Variants in BRINP3 observed in about 807,000 individuals in gnomAD.
The protein encoded by BRINP3 is BMP/retinoic acid inducible neural specific 3, also known as BMP/retinoic acid-inducible neural-specific protein 3.
Under a neutral mutation model 71.0 loss-of-function variants are expected in BRINP3, and 19 were observed. That is an observed-to-expected ratio of 0.27 (90% CI 0.19 to 0.39). The LOEUF is 0.39. Among genes scored for constraint, BRINP3 ranks in the 10% least tolerant of loss-of-function variants. The probability of loss-of-function intolerance (pLI) is 1.00; values close to 1 mark genes in which losing one functional copy is unlikely to be tolerated. For synonymous variants in BRINP3, 380 were observed against 337.7 expected (o/e 1.13, Z -1.37); for missense variants, 959 against 940.8 (o/e 1.02, Z -0.25).
chr1:190,126,116 T>G (rs1414392665), intron 7 of BRINP3, among the ~76,000 whole-genome samples: 4 of 152,026 alleles, frequency 2.6e-5, no homozygotes, highest in Non-Finnish European at 5.9e-5. Flanking sequence ...AATTTAGATG[T>G]TTCCATTCAT....
At chr1:190,384,608 A>T (rs1231329619) in intron 2 of BRINP3, among the ~76,000 whole-genome samples, 1 of 151,840 alleles carries the variant, frequency 6.6e-6, no homozygotes, top group Non-Finnish European at 1.5e-5. Flanking sequence ...GCCAAGCACT[A>T]CTCCAAGTCT....
intron 2 of BRINP3, among the ~76,000 whole-genome samples, chr1:190,430,587 G>A (rs1342974496): frequency 6.6e-6 from 1 of 152,004 alleles, no homozygotes. Context: ...AGAAGTCAAA[G>A]CCTCATAGCT....
At chr1:190,331,494 C>A (rs1666960767) in intron 2 of BRINP3, among the ~76,000 whole-genome samples, 1 of 151,986 alleles carries the variant, frequency 6.6e-6, no homozygotes, top group Non-Finnish European at 1.5e-5. Flanking sequence ...CTGTTAAATG[C>A]TTTTAAAAAG....
chr1:190,446,249 A>G (rs1433166508), intron 2 of BRINP3, among the ~76,000 whole-genome samples: 1 of 152,074 alleles, frequency 6.6e-6, no homozygotes, highest in Non-Finnish European at 1.5e-5. Flanking sequence ...TTGTTGTTGA[A>G]CACATATATT....
chr1:190,105,194 C>T (rs1432303068), intron 7 of BRINP3, among the ~76,000 whole-genome samples: 1 of 152,014 alleles, frequency 6.6e-6, no homozygotes, highest in Non-Finnish European at 1.5e-5. Context: ...ACTCCTGACA[C>T]ACAACAGTTT....
At chr1:190,367,144 C>T (rs962219398) in intron 2 of BRINP3, among the ~76,000 whole-genome samples, 52 of 152,206 alleles carry the variant, frequency 3.4e-4, no homozygotes, top group African/African-American at 1.2e-3. Context: ...GGCAGAGGTT[C>T]TCCGTGAGCA....
chr1:190,438,071 TTAA>T (rs978758838), intron 2 of BRINP3, among the ~76,000 whole-genome samples: 1 of 151,198 alleles, frequency 6.6e-6, no homozygotes, highest in Non-Finnish European at 1.5e-5. Flanking sequence ...AGATTCCAAG[TTAA>T]TAATCTCTAA....
At chr1:190,198,085 A>G (rs371428560) in intron 6 of BRINP3, among the ~76,000 whole-genome samples, 3 of 152,052 alleles carry the variant, frequency 2.0e-5, no homozygotes, top group African/African-American at 4.8e-5. Flanking sequence ...GCTTGAAGCT[A>G]CCAACCCTCT....
At chr1:190,164,979 G>A (rs893828246) in intron 6 of BRINP3, among the ~76,000 whole-genome samples, 22 of 151,508 alleles carry the variant, frequency 1.5e-4, no homozygotes, top group African/African-American at 5.1e-4. Flanking sequence ...TGTATATATT[G>A]GTATAATTCA....
At chr1:190,415,503 G>A (rs559122418) in intron 2 of BRINP3, among the ~76,000 whole-genome samples, 57 of 152,140 alleles carry the variant, frequency 3.7e-4, no homozygotes, top group African/African-American at 1.3e-3. Flanking sequence ...AAACACATCA[G>A]GGAACAACTT....
intron 7 of BRINP3, among the ~76,000 whole-genome samples, chr1:190,102,656 G>A (rs999994459): frequency 1.3e-5 from 2 of 151,948 alleles, no homozygotes; most frequent in East Asian, 3.9e-4. Context: ...AAAGGGAGGG[G>A]ATAAATACAT....
chr1:190,146,341 A>G (rs534664281), intron 7 of BRINP3, among the ~76,000 whole-genome samples: 4 of 152,212 alleles, frequency 2.6e-5, no homozygotes, highest in Non-Finnish European at 5.9e-5. Flanking sequence ...GTGTCTTGGT[A>G]TACCTTCTCC....
At chr1:190,428,767 T>C (rs1673894576) in intron 2 of BRINP3, among the ~76,000 whole-genome samples, 2 of 152,132 alleles carry the variant, frequency 1.3e-5, no homozygotes, top group Admixed American at 1.3e-4. Flanking sequence ...AAATATCACA[T>C]GGTATTCCAT....
intron 2 of BRINP3, among the ~76,000 whole-genome samples, chr1:190,429,712 T>C (rs1364460603): frequency 4.0e-5 from 6 of 151,488 alleles, no homozygotes; most frequent in Non-Finnish European, 7.4e-5. Flanking sequence ...TGCCTCAGAC[T>C]CCCAAGTAGC....
intron 2 of BRINP3, among the ~76,000 whole-genome samples, chr1:190,285,865 T>TAGG (rs1164827994): frequency 6.6e-6 from 1 of 152,034 alleles, no homozygotes; most frequent in East Asian, 1.9e-4. Context: ...AATGAGAACA[T>TAGG]TTTACCTAAG....
chr1:190,475,411 A>G (rs547995578), intron 1 of BRINP3, among the ~76,000 whole-genome samples: 1 of 152,196 alleles, frequency 6.6e-6, no homozygotes, highest in Non-Finnish European at 1.5e-5. Flanking sequence ...TTCTGGAAGG[A>G]TGGAAACCCC....
intron 2 of BRINP3, among the ~76,000 whole-genome samples, chr1:190,338,593 T>C (rs1241567240): frequency 1.3e-5 from 2 of 151,918 alleles, no homozygotes; most frequent in African/African-American, 2.4e-5. Context: ...AAAACATAAG[T>C]GATGTTAAAC....
At chr1:190,311,018 T>C (rs1665479080) in intron 2 of BRINP3, among the ~76,000 whole-genome samples, 1 of 151,700 alleles carries the variant, frequency 6.6e-6, no homozygotes, top group Non-Finnish European at 1.5e-5. Context: ...TATTGAATGC[T>C]AGAGCCAGGT....
chr1:190,225,241 G>A (rs545190376), intron 6 of BRINP3, among the ~76,000 whole-genome samples: 3 of 152,086 alleles, frequency 2.0e-5, no homozygotes, highest in Admixed American at 2.0e-4. Context: ...ATCAGTGGAT[G>A]AATAGATTAA....
Sources: allele counts gnomAD v4.1 joint callset (sites outside exome capture counted in the v4.1 genomes callset), GRCh38; gene constraint gnomAD v4.1.1; transcripts MANE v1.5; gene names NCBI Gene and HGNC (gene_info 2026-07-23, HGNC 2026-07-21).